MTHFD2L: variants seen among roughly 807,000 people sequenced by gnomAD.
MTHFD2L encodes the protein bifunctional methylenetetrahydrofolate dehydrogenase/cyclohydrolase 2, mitochondrial.
A neutral mutation model predicts 34.9 loss-of-function variants in MTHFD2L; 29 were observed. That is an observed-to-expected ratio of 0.83 (90% CI 0.62 to 1.13). The LOEUF (loss-of-function observed/expected upper bound fraction) is 1.13, where lower values mean the gene tolerates loss of function less well. Among genes scored for constraint, MTHFD2L ranks in the 50% most tolerant of loss-of-function variants. The probability of loss-of-function intolerance (pLI) is 0.00; values close to 1 mark genes in which losing one functional copy is unlikely to be tolerated. For synonymous variants in MTHFD2L, 167 were observed against 155.7 expected (o/e 1.07, Z -0.54); for missense variants, 481 against 446.5 (o/e 1.08, Z -0.70).
chr4:74,210,557 G>A (rs1288224805), intron 5 of MTHFD2L, among the ~76,000 whole-genome samples: 1 of 152,142 alleles, frequency 6.6e-6, no homozygotes, highest in African/African-American at 2.4e-5. Flanking sequence ...CTATATATCT[G>A]TTTCGGTACC....
chr4:74,175,057 A>G (rs1210625012), intron 2 of MTHFD2L, among the ~76,000 whole-genome samples: 1 of 152,150 alleles, frequency 6.6e-6, no homozygotes, highest in Non-Finnish European at 1.5e-5. Context: ...TACTAACAGT[A>G]GCTTATCTCA....
At chr4:74,154,450 C>T (rs1440818848), upstream of MTHFD2L, among the ~76,000 whole-genome samples, 1 of 151,998 alleles carries the variant, frequency 6.6e-6, no homozygotes, top group African/African-American at 2.4e-5. Flanking sequence ...TTCTTCTCTC[C>T]CATATTTATT....
At chr4:74,150,995 T>A (rs1263180108) in intron 1 of MTHFD2L, among the ~76,000 whole-genome samples, 2 of 151,734 alleles carry the variant, frequency 1.3e-5, no homozygotes, top group East Asian at 1.9e-4. Context: ...TAGTAAAAAA[T>A]AAAGAAAAAT....
intron 6 of MTHFD2L, among the ~76,000 whole-genome samples, chr4:74,258,471 AT>A (rs1188342953): frequency 1.3e-5 from 2 of 151,934 alleles, no homozygotes; most frequent in Non-Finnish European, 1.5e-5. Flanking sequence ...TTATACACAG[AT>A]TTTTTTTAAC....
At chr4:74,121,605 ATTAT>A (rs1721762687), upstream of MTHFD2L, among the ~76,000 whole-genome samples, 1 of 145,448 alleles carries the variant, frequency 6.9e-6, no homozygotes, top group African/African-American at 2.5e-5. Context: ...TATATAATTA[ATTAT>A]TTAATTATAT....
intron 7 of MTHFD2L, among the ~76,000 whole-genome samples, chr4:74,296,136 C>T (rs1749603977): frequency 6.6e-6 from 1 of 152,096 alleles, no homozygotes; most frequent in Non-Finnish European, 1.5e-5. Flanking sequence ...TGTGTGGGAA[C>T]AGTGACTAAT....
intron 3 of MTHFD2L, chr4:74,184,019 A>G (rs1035657322): frequency 6.6e-6 from 1 of 152,164 alleles, no homozygotes; most frequent in African/African-American, 2.4e-5. Flanking sequence ...TTAGCCTGTG[A>G]TAAGTTAAAC....
intron 3 of MTHFD2L, among the ~76,000 whole-genome samples, chr4:74,176,548 G>T (rs1243522902): frequency 6.6e-6 from 1 of 151,942 alleles, no homozygotes; most frequent in Non-Finnish European, 1.5e-5. Context: ...ACAACACTTT[G>T]CCATCGATGT....
intron 6 of MTHFD2L, among the ~76,000 whole-genome samples, chr4:74,275,701 T>C (rs370176195): frequency 2.0e-5 from 3 of 152,170 alleles, no homozygotes; most frequent in East Asian, 1.9e-4. Context: ...ATCAGTGATG[T>C]TGAGCTTTTT....
intron 5 of MTHFD2L, among the ~76,000 whole-genome samples, chr4:74,216,035 A>C (rs1192588433): frequency 6.6e-6 from 1 of 151,842 alleles, no homozygotes; most frequent in Non-Finnish European, 1.5e-5. Context: ...TGCTCAATAA[A>C]AATAAAACAT....
At chr4:74,124,959 GT>G (rs1344235290), upstream of MTHFD2L, among the ~76,000 whole-genome samples, 1 of 151,878 alleles carries the variant, frequency 6.6e-6, no homozygotes, top group Admixed American at 6.6e-5. Flanking sequence ...AAAAAATTCT[GT>G]CTTTACAAAT....
chr4:74,125,252 T>C (rs1398948405), upstream of MTHFD2L, among the ~76,000 whole-genome samples: 1 of 152,180 alleles, frequency 6.6e-6, no homozygotes, highest in Non-Finnish European at 1.5e-5. Context: ...TTCCTTTCAC[T>C]GTGAAAGCTG....
chr4:74,208,984 G>A (rs891073344), intron 5 of MTHFD2L, among the ~76,000 whole-genome samples: 4 of 152,036 alleles, frequency 2.6e-5, no homozygotes, highest in East Asian at 1.9e-4. Flanking sequence ...AAGGGTCCCC[G>A]GCAGAAGGGG....
chr4:74,279,454 G>A (rs184339861), intron 6 of MTHFD2L, among the ~76,000 whole-genome samples: 26 of 151,932 alleles, frequency 1.7e-4, no homozygotes, highest in East Asian at 1.4e-3. Context: ...TATATAAAGC[G>A]TCATTATCCA....
At chr4:74,271,661 T>C (rs1358637958) in intron 6 of MTHFD2L, among the ~76,000 whole-genome samples, 2 of 152,204 alleles carry the variant, frequency 1.3e-5, no homozygotes, top group Non-Finnish European at 2.9e-5. Flanking sequence ...GGGCTCTTTT[T>C]TGGTTCCATA....
intron 5 of MTHFD2L, among the ~76,000 whole-genome samples, chr4:74,213,125 A>G (rs1012715261): frequency 6.6e-6 from 1 of 152,058 alleles, no homozygotes; most frequent in Non-Finnish European, 1.5e-5. Context: ...AATACAGCAC[A>G]CTGATGGGTC....
intron 1 of MTHFD2L, among the ~76,000 whole-genome samples, chr4:74,142,647 A>G (rs1723345860): frequency 6.6e-6 from 1 of 152,228 alleles, no homozygotes; most frequent in South Asian, 2.1e-4. Context: ...AATAATTGAC[A>G]TGTATTATGG....
At chr4:74,134,626 T>C (rs958511873) in intron 1 of MTHFD2L, among the ~76,000 whole-genome samples, 1 of 152,132 alleles carries the variant, frequency 6.6e-6, no homozygotes, top group African/African-American at 2.4e-5. Context: ...CAAAGCAAAG[T>C]TCCAGCGACT....
At chr4:74,212,382 T>A (rs967700532) in intron 5 of MTHFD2L, among the ~76,000 whole-genome samples, 3 of 152,228 alleles carry the variant, frequency 2.0e-5, no homozygotes, top group African/African-American at 7.2e-5. Flanking sequence ...CCAGAGATTC[T>A]GTTACATTGT....
Sources: gnomAD v4.1 joint callset for allele counts (sites outside exome capture counted in the v4.1 genomes callset) on GRCh38, gnomAD v4.1.1 for gene constraint, MANE v1.5 for transcripts, NCBI Gene and HGNC (gene_info 2026-07-23, HGNC 2026-07-21) for gene names.